Variants in CCDC9 observed in about 807,000 individuals in gnomAD.
CCDC9 encodes coiled-coil domain-containing protein 9.
Under a neutral mutation model 65.6 loss-of-function variants are expected in CCDC9, and 52 were observed. The ratio of observed to expected loss-of-function variants is 0.79; its 90% CI spans 0.63 to 1.00. The LOEUF is 1.00. Ranked by LOEUF, CCDC9 falls within the 50% of genes least tolerant of loss-of-function variation. The pLI is 0.00. For missense variants in CCDC9, 834 were observed against 757.2 expected (o/e 1.10, Z -1.19); for synonymous variants, 332 against 280.3 (o/e 1.18, Z -1.84).
intron 5 of CCDC9, among the ~76,000 whole-genome samples, chr19:47,264,267 T>C (rs1217776163): frequency 6.6e-6 from 1 of 152,186 alleles, no homozygotes; most frequent in Admixed American, 6.5e-5. Flanking sequence ...CCTCCTGCCT[T>C]GGCCTCCCAA....
chr19:47,271,024 G>A, intron 10 of CCDC9, 58 bp from the exon 11 acceptor site: 3 of 1,285,966 alleles, frequency 2.3e-6, no homozygotes, highest in Non-Finnish European at 3.2e-6. Flanking sequence ...GAGGCAGGAA[G>A]CCCCTTCCTC....
At chr19:47,274,845 C>CT (rs1555803838), downstream of CCDC9, 7 of 902,704 alleles carry the variant, frequency 7.8e-6, no homozygotes, top group Admixed American at 2.1e-4. Context: ...GCGGGGCGGT[C>CT]TGCGGGGTGG....
downstream of CCDC9, chr19:47,273,293 G>T: frequency 3.0e-6 from 3 of 1,014,786 alleles, no homozygotes; most frequent in South Asian, 5.0e-5. Context: ...GGGGAGGGGT[G>T]CTGGGCCGGG....
At chr19:47,273,281 C>A, downstream of CCDC9, 1 of 847,368 alleles carries the variant, frequency 1.2e-6, no homozygotes, top group Non-Finnish European at 1.5e-6. Context: ...CGTGGCTAGA[C>A]GGGGGAGGGG....
downstream of CCDC9, chr19:47,273,973 C>T: frequency 8.1e-6 from 8 of 984,956 alleles, no homozygotes; most frequent in Non-Finnish European, 8.4e-6. Flanking sequence ...CAGGCCTCCC[C>T]GAATTCCTGA....
chr19:47,269,915 T>C (rs1051269027), intron 8 of CCDC9, among the ~76,000 whole-genome samples: 2 of 152,090 alleles, frequency 1.3e-5, no homozygotes, highest in Non-Finnish European at 2.9e-5. Context: ...CTGAATCTTT[T>C]TGTATTTGTC....
At chr19:47,260,494 G>A (rs1041600789) in intron 4 of CCDC9, 72 bp downstream of exon 4, 6 of 1,603,294 alleles carry the variant, frequency 3.7e-6, no homozygotes, top group South Asian at 2.2e-5. Context: ...GGACCCAGGA[G>A]CCCCCAGCTG....
At chr19:47,270,792 C>G in intron 10 of CCDC9, 104 bp downstream of exon 10, 2 of 1,320,068 alleles carry the variant, frequency 1.5e-6, no homozygotes, top group Non-Finnish European at 2.0e-6. Flanking sequence ...CTGTCCCTGT[C>G]TTTGTCTTGG....
chr19:47,275,428 G>A (rs1382075994), downstream of CCDC9: 1 of 1,456,940 alleles, frequency 6.9e-7, no homozygotes, highest in Non-Finnish European at 9.1e-7. Flanking sequence ...TCTCTGGATT[G>A]GTCCGGCCTT....
At chr19:47,270,721 C>T (rs777857979) in intron 10 of CCDC9, 33 bp downstream of exon 10, 2 of 1,582,896 alleles carry the variant, frequency 1.3e-6, no homozygotes, top group Non-Finnish European at 1.7e-6. Flanking sequence ...TTGCATACCC[C>T]CAGGGCTCTC....
rs1405499497 is a variant in CCDC9 at position 47,271,784 on chromosome 19, A to C, written c.*106A>C. Reference sequence around the variant, plus strand: ...GCTAGAGGGGTGTGGCTGGTGGGGGACCCTTGGGGCTGGGCCCTGGGACCC... The same window carrying C: ...GCTAGAGGGGTGTGGCTGGTGGGGGCCCCTTGGGGCTGGGCCCTGGGACCC... On this transcript the variant is annotated 3_prime_UTR_variant, in exon 12 of 12. Coordinates refer to ENST00000221922, the MANE Select transcript of CCDC9 (RefSeq NM_015603.3). The C allele has an allele frequency of 4.2e-6, 6 of 1,435,912 alleles. No homozygotes were observed. The highest frequency in any genetic ancestry group is 2.7e-5 in the Admixed American group (1 of 37,122). 88.9% of individuals were successfully genotyped at this position (1,435,912 alleles called of 1,614,324 possible).
At chr19:47,275,007 T>A, downstream of CCDC9, 3 of 1,477,396 alleles carry the variant, frequency 2.0e-6, no homozygotes, top group Non-Finnish European at 2.7e-6. Context: ...CTGGCTGCGC[T>A]TGGCTCCGGT....
At chr19:47,260,088 A>T (rs529789297) in intron 3 of CCDC9, among the ~76,000 whole-genome samples, 2 of 152,146 alleles carry the variant, frequency 1.3e-5, no homozygotes, top group South Asian at 4.1e-4. Context: ...CCAAGGCCAG[A>T]CCCCACGGGT....
Position 47,271,328 on chromosome 19 carries a change from A to G in CCDC9, c.1246A>G (p.Asn416Asp), listed in dbSNP as rs563584354. ...HRPPEDEGEE[N>D]EGEEDEEWED... ...GCCTCCTGAAGACGAGGGGGAAGAGAATGAGGGGGAAGAGGATGAAGAATG... is the reference window on the plus strand; with the variant it reads ...GCCTCCTGAAGACGAGGGGGAAGAGGATGAGGGGGAAGAGGATGAAGAATG... Residue 416 changes from asparagine (N) to aspartate (D), a missense_variant, in exon 12 of 12, where the codon AAT becomes GAT. By Grantham distance (23) the Asn-to-Asp change is conservative. Transcript: ENST00000221922. 1.2e-6 allele frequency: 2 copies of G among 1,611,978 alleles called. No homozygotes were observed. The highest frequency in any genetic ancestry group is 1.7e-6 in the Non-Finnish European group (2 of 1,179,144).
In CCDC9 at chr19:47,271,483, C is replaced by G; in HGVS notation, c.1401C>G (p.His467Gln). 1 of 1,613,310 alleles carries G rather than the reference C, an allele frequency of 6.2e-7. No homozygotes were observed. ...PTGIPCSEQA[H>Q]GVPFSPEEPL... is the part of the protein sequence containing the mutation. ...GGATCCCCTGCAGTGAGCAGGCCCA[C>G]GGAGTCCCCTTCAGTCCGGAGGAGC... is the stretch of plus-strand genomic sequence containing the variant. The change falls in exon 12 of 12, where the codon CAC becomes CAG. Residue 467 changes from histidine to glutamine, a missense_variant. Physicochemically the swap from His to Gln is conservative, Grantham distance 24. Transcript: ENST00000221922.
In CCDC9 at chr19:47,267,472, C is replaced by T. The variant is rs577173023; in HGVS notation, c.902+680C>T. ...CTGGGCTGAGCTGATCCAGGCTGGA[C>T]GCTAAGCTGTGGGTCCCGCTGGGCT... On this transcript the variant is annotated intron_variant, in intron 8 of 11. Coordinates refer to ENST00000221922, the MANE Select transcript of CCDC9 (RefSeq NM_015603.3). Among the ~76,000 whole-genome samples, 16 of 152,226 alleles carry T rather than the reference C, an allele frequency of 1.1e-4. No homozygotes were observed. In the South Asian group the frequency reaches 1.5e-3, roughly 14 times the overall value.
downstream of CCDC9, chr19:47,274,856 G>A: frequency 8.9e-7 from 1 of 1,121,026 alleles, no homozygotes; most frequent in African/African-American, 1.9e-5. Context: ...TGCGGGGTGG[G>A]GGCGGGGCCT....
chr19:47,270,581 GCC>G lies in CCDC9; in HGVS notation c.982_983del (p.Pro328TyrfsTer12). ...ACCAGGCCTGGGCCCGGCCCCCGAA[GCC>G]CCCTACTTTTGGGGAGTTCCTGTCC... ...DDQAWARPPK[P>X]PTFGEFLSQH... On this transcript the variant is annotated frameshift_variant, in exon 10 of 12. Coordinates refer to ENST00000221922, the MANE Select transcript of CCDC9 (RefSeq NM_015603.3). LOFTEE classifies it high-confidence loss of function. 2 of 1,613,888 alleles carry G rather than the reference GCC, an allele frequency of 1.2e-6. No individual in the cohort carries two copies. The highest frequency in any genetic ancestry group is 1.7e-6 in the Non-Finnish European group (2 of 1,180,014).
At chr19:47,261,176 T>C (rs527901143) in intron 5 of CCDC9, among the ~76,000 whole-genome samples, 1 of 152,132 alleles carries the variant, frequency 6.6e-6, no homozygotes, top group South Asian at 2.1e-4. Context: ...CCTGTCCCTC[T>C]CTGTCTCCCT....
Sources: allele counts gnomAD v4.1 joint callset (sites outside exome capture counted in the v4.1 genomes callset), GRCh38; gene constraint gnomAD v4.1.1; transcripts MANE v1.5; gene names NCBI Gene and HGNC (gene_info 2026-07-23, HGNC 2026-07-21).